FCER2: variants seen among roughly 807,000 people sequenced by gnomAD.
FCER2 encodes the protein Fc epsilon receptor II, also known as low affinity immunoglobulin epsilon Fc receptor.
FCER2 carries 38 observed loss-of-function variants against 49.7 expected under a neutral mutation model. That is an observed-to-expected ratio of 0.76 (90% CI 0.59 to 1.00). FCER2 has a LOEUF of 1.00. FCER2 is among the 50% of genes least tolerant of loss of function. FCER2 has a pLI of 0.00. For missense variants in FCER2, 425 were observed against 419.5 expected, an observed-to-expected ratio of 1.01 and a Z score of -0.11; for synonymous variants, 163 against 164.6, an observed-to-expected ratio of 0.99 and a Z score of 0.07.
chr19:7,689,407 G>C lies in FCER2; in HGVS notation c.752C>G (p.Thr251Ser). 6.3e-7 allele frequency: 1 copy of C among 1,598,386 alleles called. No individual in the cohort carries two copies. Among genetic ancestry groups the C allele is most frequent in the South Asian group, 1.1e-5 (1 of 89,572 alleles). The change falls in exon 11 of 11, where the codon ACC becomes AGC. Residue 251 changes from threonine to serine, a missense_variant. Coordinates refer to ENST00000597921, the MANE Select transcript of FCER2 (RefSeq NM_001220500.2). ...DYSNWAPGEP[T>S]SRSQGEDCVM... is the part of the protein sequence containing the mutation. ...GCAGTCCTCGCCCTGGCTCCGGCTG[G>C]TGGGCTCCCCTGGAGCCCAGTTGCT...
rs2032782210 is a variant in FCER2 at position 7,689,156 on chromosome 19, C to CT, written c.*36dup. On this transcript the variant is annotated 3_prime_UTR_variant, in exon 11 of 11. Coordinates refer to ENST00000597921, the MANE Select transcript of FCER2 (RefSeq NM_001220500.2). ...AGGCTTTTAGGCCGTGGTTGGGGGT[C>CT]TTCAGGGTCTTGCTCTGGGCCTGGC... The CT allele has an allele frequency of 1.4e-6, 2 of 1,454,710 alleles. No homozygotes were observed. The highest frequency in any genetic ancestry group is 1.9e-6 in the Non-Finnish European group (2 of 1,039,242). 90.1% of individuals were successfully genotyped at this position (1,454,710 alleles called of 1,614,324 possible).
Position 7,688,999 on chromosome 19 carries a change from G to A in FCER2, c.*194C>T. Reference sequence around the variant, plus strand: ...CTCATCTGGAGAGGGTGCTGTTGGGGGCACTCCCATCTGGAGAGGGTGCTG... The same window carrying A: ...CTCATCTGGAGAGGGTGCTGTTGGGAGCACTCCCATCTGGAGAGGGTGCTG... On this transcript the variant is annotated 3_prime_UTR_variant, in exon 11 of 11. Transcript: ENST00000597921. 1 of 593,204 alleles carries A rather than the reference G, an allele frequency of 1.7e-6. No individual in the cohort carries two copies. The highest frequency in any genetic ancestry group is 3.0e-5 in the Admixed American group (1 of 33,538). 36.7% of individuals were successfully genotyped at this position (593,204 alleles called of 1,614,324 possible). A position where few individuals can be genotyped will look rare whatever the true frequency, so the allele number is the denominator to read the frequency against.
intron 2 of FCER2, 134 bp downstream of exon 2, chr19:7,699,605 C>T (rs1261364648): frequency 2.5e-6 from 3 of 1,203,330 alleles, no homozygotes; most frequent in Non-Finnish European, 3.6e-6. Flanking sequence ...CCTCCTTACT[C>T]ACACCAGTCC....
At chr19:7,698,294 C>A in intron 4 of FCER2, 62 bp downstream of exon 4, 1 of 1,175,106 alleles carries the variant, frequency 8.5e-7, no homozygotes, top group Non-Finnish European at 1.2e-6. Context: ...CAGAGAGGAG[C>A]GGGATGAGTG....
In FCER2 at chr19:7,698,740, C is replaced by T. The variant is rs145650191; in HGVS notation, c.136+1G>A. The T allele has an allele frequency of 8.7e-6, 14 of 1,611,818 alleles. No homozygotes were observed. Among genetic ancestry groups the T allele is most frequent in the East Asian group, 2.2e-5 (1 of 44,782 alleles). On this transcript the variant is annotated splice_donor_variant, in intron 3 of 10. Transcript: ENST00000597921. LOFTEE classifies it high-confidence loss of function. The stretch of plus-strand genomic sequence containing the variant: ...CCACATGGAGCTGGGGGTGTCCTCA[C>T]GCCACAGGAGAAGCAGAGTCAGCAG...
chr19:7,690,047 G>C, intron 10 of FCER2, 112 bp downstream of exon 10: 1 of 742,776 alleles, frequency 1.3e-6, no homozygotes, highest in Non-Finnish European at 2.3e-6. Flanking sequence ...CTGCACCCTA[G>C]AGACCCTTAT....
intron 1 of FCER2, 163 bp from the exon 2 acceptor site, chr19:7,700,008 G>A: frequency 1.7e-6 from 1 of 573,660 alleles, no homozygotes; most frequent in Non-Finnish European, 3.1e-6. Context: ...AGCTGGTGTG[G>A]AGAGATAGCA....
chr19:7,695,476 T>A (rs1272524555), intron 8 of FCER2, among the ~76,000 whole-genome samples: 2 of 152,184 alleles, frequency 1.3e-5, no homozygotes, highest in African/African-American at 4.8e-5. Flanking sequence ...AAGGACACAG[T>A]TGGAATCAGA....
At position 7,698,393 on chromosome 19, in the gene FCER2, C is replaced by T. The variant is rs747487167; in HGVS notation, c.153G>A (p.Gln51=). Residue 51 remains glutamine, a synonymous_variant, in exon 4 of 11, where the codon CAG becomes CAA. Transcript: ENST00000597921. The part of the protein sequence containing the change: ...LLLLWHWDTT[Q]SLKQLEERAA... ...CCCTCTCTTCCAGCTGTTTTAGACT[C>T]TGTGTGGTGTCCCAGTCTGGGGAGG... 1 of 1,612,666 alleles carries T rather than the reference C, an allele frequency of 6.2e-7. No homozygotes were observed. Among genetic ancestry groups the T allele is most frequent in the African/African-American group, 1.3e-5 (1 of 74,978 alleles).
rs180758039 is a variant in FCER2, at chr19:7,700,565, A to G, written c.-85-720T>C. Among the ~76,000 whole-genome samples, 6 of 152,222 alleles carry G rather than the reference A, an allele frequency of 3.9e-5. No homozygotes were observed. The East Asian group carries it at 1.2e-3, about 29-fold the overall frequency. On this transcript the variant is annotated intron_variant, in intron 1 of 10. Coordinates refer to ENST00000597921, the MANE Select transcript of FCER2 (RefSeq NM_001220500.2). ...AGTCTCGCTCTGTTGCCCAGGCTGG[A>G]GTGCAGGGGCACGATCTCGGCTCAC...
In FCER2 at chr19:7,697,278, G is replaced by C. The variant is rs1346620489; in HGVS notation, c.274C>G (p.Leu92Val). The change falls in exon 6 of 11, where the codon CTG (leucine) becomes GTG (valine). Residue 92 changes from leucine to valine, a missense_variant. Coordinates refer to ENST00000597921, the MANE Select transcript of FCER2 (RefSeq NM_001220500.2). ...KSQSTQISQE[L>V]EELRAEQQRL... Reference sequence around the variant, plus strand: ...TGCTGTTCAGCTCGAAGTTCCTCCAGTTCCTGTGAAATCTGCGTGGCTGTT... The same window carrying C: ...TGCTGTTCAGCTCGAAGTTCCTCCACTTCCTGTGAAATCTGCGTGGCTGTT... The C allele has an allele frequency of 6.2e-7, 1 of 1,614,040 alleles. No individual in the cohort carries two copies. The highest frequency in any genetic ancestry group is 2.2e-5 in the East Asian group (1 of 44,896).
chr19:7,690,922 C>T (rs938918208), intron 8 of FCER2, among the ~76,000 whole-genome samples: 97 of 152,220 alleles, frequency 6.4e-4, no homozygotes, highest in African/African-American at 2.0e-3. Context: ...AACACCATGA[C>T]CACAAACACA....
rs1395088553 is a variant in FCER2 at position 7,696,921 on chromosome 19, G to T, written c.380-7C>A. 1 of 1,575,836 alleles carries T rather than the reference G, an allele frequency of 6.3e-7. No homozygotes were observed. The highest frequency in any genetic ancestry group is 1.2e-5 in the South Asian group (1 of 86,088). On this transcript the variant is annotated splice_region_variant and splice_polypyrimidine_tract_variant and intron_variant, in intron 7 of 10. Coordinates refer to ENST00000597921, the MANE Select transcript of FCER2 (RefSeq NM_001220500.2). ...TCGTTCCTCTCGTTCAATTCTTGGGGAGTCAACAAGGGGCGGTGCTCAGAG... is the reference window on the plus strand; with the variant it reads ...TCGTTCCTCTCGTTCAATTCTTGGGTAGTCAACAAGGGGCGGTGCTCAGAG...
chr19:7,690,930 A>G (rs2032850235), intron 8 of FCER2, among the ~76,000 whole-genome samples: 1 of 151,946 alleles, frequency 6.6e-6, no homozygotes, highest in South Asian at 2.1e-4. Context: ...GACCACAAAC[A>G]CACTCATGTC....
chr19:7,698,957 C>T, intron 2 of FCER2, 103 bp from the exon 3 acceptor site: 1 of 1,253,850 alleles, frequency 8.0e-7, no homozygotes, highest in East Asian at 2.5e-5. Context: ...GGGAGCTTGT[C>T]CAGAGCCCAC....
rs781493170 is a variant in FCER2, at chr19:7,697,093, G to T, written c.317-18C>A. ...CTCCAAGTCTGGTGTGTGCAGGAGCGCAGGGCTGGTCTCAGGGAGGATGTG... is the reference window on the plus strand; with the variant it reads ...CTCCAAGTCTGGTGTGTGCAGGAGCTCAGGGCTGGTCTCAGGGAGGATGTG... On this transcript the variant is annotated intron_variant, in intron 6 of 10. Coordinates refer to ENST00000597921, the MANE Select transcript of FCER2 (RefSeq NM_001220500.2). 2 of 1,613,218 alleles carry T rather than the reference G, an allele frequency of 1.2e-6. No homozygotes were observed. The highest frequency in any genetic ancestry group is 1.3e-5 in the African/African-American group (1 of 74,870).
rs141436817 is a variant in FCER2 at position 7,698,757 on chromosome 19, A to G, written c.120T>C (p.Thr40=). 135 of 1,612,916 alleles carry G rather than the reference A, an allele frequency of 8.4e-5. No homozygotes were observed. In the African/African-American group the frequency reaches 1.5e-3, roughly 18 times the overall value. The change falls in exon 3 of 11, where the codon ACT becomes ACC. Residue 40 remains threonine, a synonymous_variant. Transcript: ENST00000597921. ...TGTCCTCACGCCACAGGAGAAGCAG[A>G]GTCAGCAGCCCAGCCCACAGAGCGG... ...VTAALWAGLL[T]LLLLWHWDTT...
At position 7,701,718 on chromosome 19, in the gene FCER2, C is replaced by A. The variant is rs117658096; in HGVS notation, c.-86+297G>T. Among the ~76,000 whole-genome samples the A allele has an allele frequency of 1.7e-3, 266 of 152,212 alleles. 3 individuals are homozygous for A. The East Asian group carries it at 0.044, about 25-fold the overall frequency. ...CGTCCTTCTAACCCAAGAGGTCCTG[C>A]CTCTGCCTAGAGTCTTCCATGGCTC... On this transcript the variant is annotated intron_variant, in intron 1 of 10. Transcript: ENST00000597921.
intron 10 of FCER2, 63 bp from the exon 11 acceptor site, chr19:7,689,493 C>T: frequency 1.9e-6 from 2 of 1,059,874 alleles, no homozygotes; most frequent in Middle Eastern, 6.2e-4. Flanking sequence ...TCCCGGCAGC[C>T]CTCTGAGTCT....
Sources: allele counts gnomAD v4.1 joint callset (sites outside exome capture counted in the v4.1 genomes callset), GRCh38; gene constraint gnomAD v4.1.1; transcripts MANE v1.5; gene names NCBI Gene and HGNC (gene_info 2026-07-23, HGNC 2026-07-21).